OPCML: variants seen among roughly 807,000 people sequenced by gnomAD.
OPCML encodes the protein opioid binding protein/cell adhesion molecule like.
OPCML carries 13 observed loss-of-function variants against 37.8 expected under a neutral mutation model. The observed-to-expected ratio is 0.34, with a 90% confidence interval of 0.22 to 0.55. The LOEUF is 0.55. Among genes scored for constraint, OPCML ranks in the 20% least tolerant of loss-of-function variants. The probability of loss-of-function intolerance (pLI) is 0.91; values close to 1 mark genes in which losing one functional copy is unlikely to be tolerated. For missense variants in OPCML, 341 were observed against 435.6 expected (o/e 0.78, Z 1.93); for synonymous variants, 176 against 168.8 (o/e 1.04, Z -0.33).
intron 1 of OPCML, among the ~76,000 whole-genome samples, chr11:133,183,739 T>C (rs1937945583): frequency 6.6e-6 from 1 of 152,184 alleles, no homozygotes; most frequent in Non-Finnish European, 1.5e-5. Flanking sequence ...TAGACAAACA[T>C]TCAAAATACA....
At chr11:133,291,471 C>G (rs553310792) in intron 1 of OPCML, among the ~76,000 whole-genome samples, 107 of 152,314 alleles carry the variant, frequency 7.0e-4, no homozygotes, top group Non-Finnish European at 1.4e-3. Context: ...TGGTGGGCAC[C>G]CCTCAGGGGC....
chr11:133,340,508 C>T (rs948716321), intron 1 of OPCML, among the ~76,000 whole-genome samples: 3 of 151,772 alleles, frequency 2.0e-5, no homozygotes, highest in Admixed American at 6.6e-5. Flanking sequence ...AAATTAACAC[C>T]GTGTGTGTGT....
At chr11:133,426,146 C>G (rs1399396301) in intron 1 of OPCML, among the ~76,000 whole-genome samples, 1 of 152,146 alleles carries the variant, frequency 6.6e-6, no homozygotes, top group Non-Finnish European at 1.5e-5. Flanking sequence ...TTGCTCCACT[C>G]CCAAAACCAG....
At chr11:133,055,591 C>A (rs895584090) in intron 1 of OPCML, among the ~76,000 whole-genome samples, 1 of 148,240 alleles carries the variant, frequency 6.7e-6, no homozygotes, top group Admixed American at 6.7e-5. Context: ...CATGAGGGAG[C>A]CGCCTCTACC....
At chr11:132,687,639 T>C (rs776257937) in intron 2 of OPCML, among the ~76,000 whole-genome samples, 58 of 151,802 alleles carry the variant, frequency 3.8e-4, no homozygotes, top group Non-Finnish European at 8.8e-5. Flanking sequence ...AATGAGCTTC[T>C]TCCATCTTAA....
intron 2 of OPCML, among the ~76,000 whole-genome samples, chr11:132,941,642 T>C (rs1945581615): frequency 6.6e-6 from 1 of 152,220 alleles, no homozygotes; most frequent in Non-Finnish European, 1.5e-5. Flanking sequence ...AGGAGGACTT[T>C]TCCTTCACAT....
At chr11:132,467,871 C>G (rs1383491064) in intron 4 of OPCML, among the ~76,000 whole-genome samples, 1 of 152,166 alleles carries the variant, frequency 6.6e-6, no homozygotes, top group Non-Finnish European at 1.5e-5. Flanking sequence ...ACTATTCAAG[C>G]TGCATTCAAA....
chr11:133,235,132 A>T lies in OPCML; in HGVS notation c.62-292122T>A, dbSNP rs561671568. On this transcript the variant is annotated intron_variant, in intron 1 of 7. Coordinates refer to ENST00000524381, the MANE Select transcript of OPCML (RefSeq NM_001012393.5). ...TTTAGCTGGCCACCTCAGGGGTCACAGAGAATTCCTTTCCCCACCCAACCA... is the reference window on the plus strand; with the variant it reads ...TTTAGCTGGCCACCTCAGGGGTCACTGAGAATTCCTTTCCCCACCCAACCA... Among the ~76,000 whole-genome samples, 120 of 152,090 alleles carry T rather than the reference A, an allele frequency of 7.9e-4. 3 individuals carry two copies. The South Asian group carries it at 0.025, about 31-fold the overall frequency.
rs140660269 is a variant in OPCML, at chr11:133,236,338, G to A, written c.62-293328C>T. Among the ~76,000 whole-genome samples, 452 of 152,252 alleles carry A rather than the reference G, an allele frequency of 3.0e-3. 2 individuals are homozygous for A. The highest frequency in any genetic ancestry group is 9.7e-3 in the African/African-American group (402 of 41,550). ...ACGGCACGAGGTCTCATCATGCTACGTAGAATCGCACAAAATTTTAAACTT... is the reference window on the plus strand; with the variant it reads ...ACGGCACGAGGTCTCATCATGCTACATAGAATCGCACAAAATTTTAAACTT... On this transcript the variant is annotated intron_variant, in intron 1 of 7. Coordinates refer to ENST00000524381, the MANE Select transcript of OPCML (RefSeq NM_001012393.5).
chr11:133,229,643 A>C (rs1940191185), intron 1 of OPCML, among the ~76,000 whole-genome samples: 1 of 152,150 alleles, frequency 6.6e-6, no homozygotes, highest in Non-Finnish European at 1.5e-5. Flanking sequence ...AGTAACAACA[A>C]ATCTGTGAAA....
At chr11:132,600,188 G>C (rs1937753881) in intron 3 of OPCML, among the ~76,000 whole-genome samples, 1 of 152,148 alleles carries the variant, frequency 6.6e-6, no homozygotes, top group Non-Finnish European at 1.5e-5. Context: ...AAAACTCAAA[G>C]AACCAGGACA....
intron 3 of OPCML, among the ~76,000 whole-genome samples, chr11:132,601,442 A>G (rs537015906): frequency 6.6e-6 from 1 of 152,160 alleles, no homozygotes; most frequent in African/African-American, 2.4e-5. Flanking sequence ...AAATGCACTC[A>G]TTTGTCAAAA....
chr11:133,150,835 G>A (rs1431617424), intron 1 of OPCML, among the ~76,000 whole-genome samples: 2 of 152,056 alleles, frequency 1.3e-5, no homozygotes, highest in Non-Finnish European at 2.9e-5. Flanking sequence ...GCTTGTGTGG[G>A]ATGGCCACAG....
At chr11:133,069,180 C>T (rs914855090) in intron 1 of OPCML, among the ~76,000 whole-genome samples, 1 of 152,170 alleles carries the variant, frequency 6.6e-6, no homozygotes, top group African/African-American at 2.4e-5. Flanking sequence ...TGCAGAGCCT[C>T]AGTCTTCCCA....
intron 1 of OPCML, among the ~76,000 whole-genome samples, chr11:133,033,711 A>G (rs1397253350): frequency 6.6e-6 from 1 of 152,204 alleles, no homozygotes; most frequent in Non-Finnish European, 1.5e-5. Context: ...GAGAATGTCC[A>G]TTCTATAAAT....
chr11:133,227,254 G>C (rs1160954730), intron 1 of OPCML, among the ~76,000 whole-genome samples: 1 of 152,032 alleles, frequency 6.6e-6, no homozygotes, highest in African/African-American at 2.4e-5. Flanking sequence ...GGCTCCTCAC[G>C]GGCTTCTTTG....
intron 2 of OPCML, among the ~76,000 whole-genome samples, chr11:132,752,613 G>A (rs1945874298): frequency 6.6e-6 from 1 of 151,756 alleles, no homozygotes; most frequent in South Asian, 2.1e-4. Flanking sequence ...AGATTTGTTA[G>A]CATGCCATCC....
chr11:133,209,068 A>G (rs531572553), intron 1 of OPCML, among the ~76,000 whole-genome samples: 171 of 152,260 alleles, frequency 1.1e-3, no homozygotes, highest in African/African-American at 4.0e-3. Flanking sequence ...TCTTCCCCCA[A>G]ACTGTCAGGA....
intron 2 of OPCML, among the ~76,000 whole-genome samples, chr11:132,795,036 G>A (rs1250018245): frequency 1.3e-5 from 2 of 151,964 alleles, no homozygotes; most frequent in South Asian, 2.1e-4. Context: ...ATTTAGAAGA[G>A]TGGTAAACTC....
Sources: gnomAD v4.1 joint callset for allele counts (sites outside exome capture counted in the v4.1 genomes callset) on GRCh38, gnomAD v4.1.1 for gene constraint, MANE v1.5 for transcripts, NCBI Gene and HGNC (gene_info 2026-07-23, HGNC 2026-07-21) for gene names.